Variants in FANCA observed in about 807,000 individuals in gnomAD.
FANCA encodes the protein Fanconi anemia group A protein.
A neutral mutation model predicts 194.3 loss-of-function variants in FANCA; 236 were observed. That is an observed-to-expected ratio of 1.21 (90% confidence interval 1.09 to 1.35). The LOEUF (loss-of-function observed/expected upper bound fraction) is 1.35, where lower values mean the gene tolerates loss of function less well. Among genes scored for constraint, FANCA ranks in the 40% most tolerant of loss-of-function variants. The probability of loss-of-function intolerance (pLI) is 0.00; values close to 1 mark genes in which losing one functional copy is unlikely to be tolerated. For synonymous variants in FANCA, 1,014 were observed against 715.8 expected (o/e 1.42, Z -6.65); for missense variants, 2,628 against 1,813.9 (o/e 1.45, Z -8.15).
At position 89,805,471 on chromosome 16, in the gene FANCA, AT is replaced by A. The variant is rs34937702; in HGVS notation, c.597-80del. The stretch of plus-strand genomic sequence containing the variant: ...GGATTGAGTTGAGCCATATGTCCCA[AT>A]TTTTTTTTTGAGACAGTTTTTTGCT... On this transcript the variant is annotated intron_variant, in intron 6 of 42. Transcript: ENST00000389301. The A allele has an allele frequency of 0.017, 18,335 of 1,073,582 alleles. 402 individuals are homozygous for A. Among genetic ancestry groups the A allele is most frequent in the South Asian group, 0.087 (6,282 of 72,402 alleles). The allele number at this position is 1,073,582 out of a possible 1,614,324, so 66.5% of individuals were successfully genotyped here.
At chr16:89,756,637 G>A (rs1226692064) in intron 30 of FANCA, among the ~76,000 whole-genome samples, 2 of 152,086 alleles carry the variant, frequency 1.3e-5, no homozygotes, top group Non-Finnish European at 2.9e-5. Flanking sequence ...ATATAAATAA[G>A]ACAAAGTAAG....
At chr16:89,798,966 T>C (rs748852237) in intron 10 of FANCA, 200 bp downstream of exon 10, 11 of 1,612,936 alleles carry the variant, frequency 6.8e-6, no homozygotes, top group African/African-American at 2.7e-5. Flanking sequence ...GACCTCATCC[T>C]CACAGGAAAA....
rs60350230 is a variant in FANCA, at chr16:89,785,262, C to T, written c.1360-298G>A. 4.6e-5 allele frequency among the ~76,000 whole-genome samples: 7 copies of T among 152,238 alleles called. No individual in the cohort carries two copies. The East Asian group carries it at 7.7e-4, about 17-fold the overall frequency. The stretch of plus-strand genomic sequence containing the variant: ...ACTGAAGAGATATCTAAAAGTTATT[C>T]GAAGAAAAACAGTTAAAAATCATTA... On this transcript the variant is annotated intron_variant, in intron 14 of 42. Coordinates refer to ENST00000389301, the MANE Select transcript of FANCA (RefSeq NM_000135.4).
At chr16:89,768,634 C>T (rs545120810) in intron 26 of FANCA, among the ~76,000 whole-genome samples, 6 of 151,596 alleles carry the variant, frequency 4.0e-5, no homozygotes, top group Non-Finnish European at 5.9e-5. Context: ...CCAGCCTGGA[C>T]GATAGAGTGA....
In FANCA at chr16:89,749,810, G is replaced by A; in HGVS notation, c.3159C>T (p.Arg1053=). ...CGCTTGTCAGAGCCTGGAGCCGTCT[G>A]CGGAAAATCTCAAAGAGGAAGTGCT... ...SQEHFLFEIF[R]RRLQALTSGW... is the part of the protein sequence containing the mutation. The change falls in exon 32 of 43, where the codon CGC becomes CGT. Residue 1053 remains arginine (R), a synonymous_variant. Transcript: ENST00000389301. The A allele has an allele frequency of 6.2e-7, 1 of 1,614,248 alleles. No homozygotes were observed. The highest frequency in any genetic ancestry group is 8.5e-7 in the Non-Finnish European group (1 of 1,180,052).
chr16:89,738,929 G>A lies in FANCA; in HGVS notation c.4213C>T (p.Gln1405Ter), dbSNP rs2151710810. ...TTTTTCGGGCACCGAGGTATTAACT[G>A]CAGCAGAAAAAGACGAGCTTTTGTT... ...LITKARLFLL[Q>*]LIPRCPKKSF... The change falls in exon 42 of 43, where the codon CAG becomes TAG. Residue 1405 changes from glutamine to a stop codon, truncating the protein, a stop_gained. Transcript: ENST00000389301. LOFTEE classifies it low-confidence loss of function (END_TRUNC). 6.2e-7 allele frequency: 1 copy of A among 1,614,276 alleles called. No homozygotes were observed. The highest frequency in any genetic ancestry group is 1.3e-5 in the African/African-American group (1 of 75,076).
intron 30 of FANCA, 82 bp from the exon 31 acceptor site, chr16:89,752,304 T>A: frequency 9.1e-7 from 1 of 1,103,692 alleles, no homozygotes; most frequent in Non-Finnish European, 1.4e-6. Context: ...CCTCCGGAGC[T>A]GAGTGATGGC....
intron 36 of FANCA, 51 bp from the exon 37 acceptor site, chr16:89,742,989 C>A: frequency 6.3e-7 from 1 of 1,590,988 alleles, no homozygotes; most frequent in South Asian, 1.1e-5. Context: ...CATACAACCA[C>A]GCCATAGAAA....
chr16:89,816,112 C>G, intron 1 of FANCA, 126 bp from the exon 2 acceptor site: 1 of 746,848 alleles, frequency 1.3e-6, no homozygotes, highest in South Asian at 1.4e-5. Flanking sequence ...GGCCGGGGCT[C>G]CTCCCCAGGG....
rs1370361422 is a variant in FANCA at position 89,810,966 on chromosome 16, T to A, written c.389A>T (p.Glu130Val). 3 of 1,614,036 alleles carry A rather than the reference T, an allele frequency of 1.9e-6. No homozygotes were observed. The highest frequency in any genetic ancestry group is 2.2e-5 in the East Asian group (1 of 44,904). Reference protein sequence around the residue: ...SVGQICTAPAETSHPVLLTVE... With the variant: ...SVGQICTAPAVTSHPVLLTVE... The stretch of plus-strand genomic sequence containing the variant: ...AGTCAGCAGCACAGGGTGACTGGTC[T>A]CCGCTGGAGCCGTGCAGATCTGTCC... Residue 130 changes from glutamate to valine, a missense_variant, in exon 4 of 43, where the codon GAG (glutamate) becomes GTG (valine). Transcript: ENST00000389301.
intron 3 of FANCA, among the ~76,000 whole-genome samples, chr16:89,811,452 AT>A: frequency 6.6e-6 from 1 of 152,350 alleles, no homozygotes; most frequent in Non-Finnish European, 1.5e-5. Context: ...TACTTCAGAG[AT>A]AAGCCTGCCC....
At position 89,740,830 on chromosome 16, in the gene FANCA, G is replaced by A. The variant is rs143982249; in HGVS notation, c.3802C>T (p.Leu1268=). 1.2e-6 allele frequency: 2 copies of A among 1,613,548 alleles called. No homozygotes were observed. The highest frequency in any genetic ancestry group is 2.7e-5 in the African/African-American group (2 of 74,894). ...VFLFFFSLMG[L]LSSHLTSNST... is the part of the protein sequence containing the mutation. ...TTTGAGGTCAGATGTGACGACAGCA[G>A]GCCCATCAAGGAGAAGAAGAAAAGG... Residue 1268 remains leucine (L), a synonymous_variant, in exon 38 of 43, where the codon CTG becomes TTG. Transcript: ENST00000389301.
chr16:89,740,880 C>T lies in FANCA; in HGVS notation c.3766-14G>A, dbSNP rs34476949. On this transcript the variant is annotated splice_polypyrimidine_tract_variant and intron_variant, in intron 37 of 42. Transcript: ENST00000389301. ...GAAAACCAATAGCTGTAAATAAAAA[C>T]GTGCACTTATTATTACATTAAAATT... The T allele has an allele frequency of 5.2e-5, 83 of 1,605,970 alleles. No individual in the cohort carries two copies. In the Admixed American group the frequency reaches 6.6e-4, roughly 13 times the overall value.
chr16:89,791,838 A>G (rs2040085709), intron 13 of FANCA, 89 bp downstream of exon 13: 2 of 1,536,426 alleles, frequency 1.3e-6, no homozygotes, highest in East Asian at 4.5e-5. Context: ...GGCTTCACTG[A>G]GAGGCTCACC....
intron 21 of FANCA, among the ~76,000 whole-genome samples, chr16:89,773,925 A>G (rs1359431693): frequency 6.6e-6 from 1 of 151,930 alleles, no homozygotes; most frequent in Non-Finnish European, 1.5e-5. Context: ...ACGCACCACC[A>G]CATCCAGCTA....
intron 11 of FANCA, among the ~76,000 whole-genome samples, chr16:89,793,423 G>A (rs1490800893): frequency 1.3e-5 from 2 of 152,102 alleles, no homozygotes; most frequent in South Asian, 2.1e-4. Context: ...ATAGAGCGAG[G>A]ATTATTATAA....
chr16:89,780,486 T>C (rs1208025229), intron 17 of FANCA, among the ~76,000 whole-genome samples: 1 of 151,726 alleles, frequency 6.6e-6, no homozygotes, highest in African/African-American at 2.4e-5. Context: ...TAGCCAGGTG[T>C]AGAGGCATGA....
intron 3 of FANCA, among the ~76,000 whole-genome samples, chr16:89,813,186 A>G (rs1214628126): frequency 2.6e-5 from 4 of 151,830 alleles, no homozygotes; most frequent in Non-Finnish European, 5.9e-5. Flanking sequence ...TGGCTGAGGT[A>G]AACTGATTGC....
intron 2 of FANCA, among the ~76,000 whole-genome samples, chr16:89,815,006 C>G (rs1486497090): frequency 6.6e-6 from 1 of 152,080 alleles, no homozygotes. Context: ...TAAACACAAC[C>G]TGTGTGTAAG....
Sources: gnomAD v4.1 joint callset for allele counts (sites outside exome capture counted in the v4.1 genomes callset) on GRCh38, gnomAD v4.1.1 for gene constraint, MANE v1.5 for transcripts, NCBI Gene and HGNC (gene_info 2026-07-23, HGNC 2026-07-21) for gene names.